The following CYP4F2 variants were observed in gnomAD, a reference collection of about 807,000 sequenced individuals.
The protein encoded by CYP4F2 is cytochrome P450 family 4 subfamily F member 2.
Under a neutral mutation model 58.9 loss-of-function variants are expected in CYP4F2, and 58 were observed. That is an observed-to-expected ratio of 0.98 (90% confidence interval 0.80 to 1.23). CYP4F2 has a LOEUF of 1.23. Among genes scored for constraint, CYP4F2 ranks in the 50% most tolerant of loss-of-function variants. The pLI is 0.00. For missense variants in CYP4F2, 616 were observed against 685.6 expected (o/e 0.90, Z 1.13); for synonymous variants, 287 against 261.1 (o/e 1.10, Z -0.95).
At chr19:15,895,416 C>G (rs940829331) in intron 3 of CYP4F2, 90 bp downstream of exon 3, 29 of 1,412,326 alleles carry the variant, frequency 2.1e-5, no homozygotes, top group Non-Finnish European at 2.5e-5. Flanking sequence ...AAAGGAGAGG[C>G]CAGAGTACTG....
chr19:15,878,950 G>T lies in CYP4F2; in HGVS notation c.1398-14C>A. ...CCGATGCAGTTCCTAGGGGAGGGAG[G>T]TGGGAACTCTGACTGCACCCAGGAG... On this transcript the variant is annotated splice_polypyrimidine_tract_variant and intron_variant, in intron 12 of 12. Transcript: ENST00000221700. 2 of 1,611,532 alleles carry T rather than the reference G, an allele frequency of 1.2e-6. No individual in the cohort carries two copies. The highest frequency in any genetic ancestry group is 1.1e-5 in the South Asian group (1 of 90,716).
At chr19:15,895,477 A>G in intron 3 of CYP4F2, 29 bp downstream of exon 3, 1 of 1,474,274 alleles carries the variant, frequency 6.8e-7, no homozygotes, top group Non-Finnish European at 8.9e-7. Flanking sequence ...CCTCAAATGC[A>G]CTGCCCCACC....
chr19:15,878,753 A>G lies in CYP4F2; in HGVS notation c.*18T>C, dbSNP rs531630854. On this transcript the variant is annotated 3_prime_UTR_variant, in exon 13 of 13. Coordinates refer to ENST00000221700, the MANE Select transcript of CYP4F2 (RefSeq NM_001082.5). The stretch of plus-strand genomic sequence containing the variant: ...TCAGGGGTCATTTTAGTGGGGTCAG[A>G]GTGGGTCTCTGCAGAACTCAGCTCA... 5 of 1,612,150 alleles carry G rather than the reference A, an allele frequency of 3.1e-6. No homozygotes were observed. The East Asian group carries it at 1.1e-4, about 36-fold the overall frequency.
At chr19:15,880,479 T>G (rs1014272431) in intron 9 of CYP4F2, among the ~76,000 whole-genome samples, 2 of 151,844 alleles carry the variant, frequency 1.3e-5, no homozygotes, top group Non-Finnish European at 2.9e-5. Flanking sequence ...ATACAAAAAC[T>G]TAGCGGGGTA....
At chr19:15,887,333 T>G (rs111165324) in intron 7 of CYP4F2, among the ~76,000 whole-genome samples, 1,862 of 148,164 alleles carry the variant, frequency 0.013, 32 homozygotes, top group African/African-American at 0.043. Context: ...CAAATACACG[T>G]AAACATAGAC....
In CYP4F2 at chr19:15,897,513, A is replaced by T. The variant is rs139237854; in HGVS notation, c.99T>A (p.His33Gln). 1.9e-6 allele frequency: 3 copies of T among 1,613,846 alleles called. No homozygotes were observed. The highest frequency in any genetic ancestry group is 1.7e-5 in the Admixed American group (1 of 59,992). ...AGAAGGCGTAGGTCCAGGCCAGGAC[A>T]TGGGCCAGGAGCCAGGAGGCCCCGA... Reference protein sequence around the residue: ...LLVGASWLLAHVLAWTYAFYD... With the variant: ...LLVGASWLLAQVLAWTYAFYD... The change falls in exon 2 of 13, where the codon CAT becomes CAA. Residue 33 changes from histidine to glutamine, a missense_variant. Coordinates refer to ENST00000221700, the MANE Select transcript of CYP4F2 (RefSeq NM_001082.5).
Position 15,878,101 on chromosome 19 carries a change from A to C in CYP4F2, c.*670T>G, listed in dbSNP as rs2089316952. Reference sequence around the variant, plus strand: ...TATATGAACAACCTGGACAGAAAAAAAATGTATGTGAGATAAAATAGCAAA... The same window carrying C: ...TATATGAACAACCTGGACAGAAAAACAATGTATGTGAGATAAAATAGCAAA... On this transcript the variant is annotated 3_prime_UTR_variant, in exon 13 of 13. Transcript: ENST00000221700. 6.6e-6 allele frequency: 1 copy of C among 152,236 alleles called. No individual in the cohort carries two copies. Among genetic ancestry groups the C allele is most frequent in the Non-Finnish European group, 1.5e-5 (1 of 68,050 alleles). 9.4% of individuals were successfully genotyped at this position (152,236 alleles called of 1,614,324 possible).
rs1167576776 is a variant in CYP4F2, at chr19:15,889,427, C to T, written c.914G>A (p.Ser305Asn). The change falls in exon 7 of 13, where the codon AGC (serine) becomes AAC (asparagine). Residue 305 changes from serine to asparagine, a missense_variant. Physicochemically the swap from Ser to Asn is conservative, Grantham distance 46. Transcript: ENST00000221700. ...TLDFIDVLLL[S>N]KDEDGKKLSD... is the part of the protein sequence containing the mutation. ...TCAGATCCCAGAGAGGCCCACCTTGCTCAGCAGGAGTACATCAATGAAGTC... is the reference window on the plus strand; with the variant it reads ...TCAGATCCCAGAGAGGCCCACCTTGTTCAGCAGGAGTACATCAATGAAGTC... 6.2e-7 allele frequency: 1 copy of T among 1,613,920 alleles called. No homozygotes were observed. The highest frequency in any genetic ancestry group is 8.5e-7 in the Non-Finnish European group (1 of 1,179,840).
Position 15,878,710 on chromosome 19 carries a change from G to C in CYP4F2, c.*61C>G, listed in dbSNP as rs1027144284. The C allele has an allele frequency of 5.0e-6, 8 of 1,598,788 alleles. No homozygotes were observed. The African/African-American group carries it at 1.1e-4, about 21-fold the overall frequency. On this transcript the variant is annotated 3_prime_UTR_variant, in exon 13 of 13. Transcript: ENST00000221700. ...GGAACAGGGTCTTAGGGTAATTCTAGGCTTCACTTTTGATGAATCAGGGGT... is the reference window on the plus strand; with the variant it reads ...GGAACAGGGTCTTAGGGTAATTCTACGCTTCACTTTTGATGAATCAGGGGT...
chr19:15,892,824 T>G (rs894166999), intron 3 of CYP4F2, among the ~76,000 whole-genome samples: 2 of 152,004 alleles, frequency 1.3e-5, no homozygotes, highest in Admixed American at 1.3e-4. Context: ...ATGTCAGGGT[T>G]CCAGCATGCC....
intron 7 of CYP4F2, among the ~76,000 whole-genome samples, chr19:15,888,146 A>G (rs553010630): frequency 1.0e-3 from 152 of 152,356 alleles, no homozygotes; most frequent in Admixed American, 4.4e-3. Context: ...GAAGTCACAG[A>G]TTTAGAAACA....
At chr19:15,896,465 AT>A (rs1350017810) in intron 2 of CYP4F2, among the ~76,000 whole-genome samples, 2 of 152,130 alleles carry the variant, frequency 1.3e-5, no homozygotes, top group African/African-American at 4.8e-5. Context: ...AGAGGCAGCT[AT>A]ATGGGGAGGT....
At position 15,889,656 on chromosome 19, in the gene CYP4F2, T is replaced by C; in HGVS notation, c.685A>G (p.Ser229Gly). 6.2e-7 allele frequency: 1 copy of C among 1,614,138 alleles called. No individual in the cohort carries two copies. The highest frequency in any genetic ancestry group is 8.5e-7 in the Non-Finnish European group (1 of 1,180,020). Residue 229 changes from serine to glycine, a missense_variant, in exon 7 of 13, where the codon AGT becomes GGT. Coordinates refer to ENST00000221700, the MANE Select transcript of CYP4F2 (RefSeq NM_001082.5). ...SEYIAAILEL[S>G]ALVSKRHHEI... The stretch of plus-strand genomic sequence containing the variant: ...TGGTGTCTTTTTGATACAAGGGCAC[T>C]GAGCTCCAAGATGGCGGCAATATAT...
chr19:15,879,051 G>T, intron 12 of CYP4F2, 115 bp from the exon 13 acceptor site: 1 of 1,477,294 alleles, frequency 6.8e-7, no homozygotes, highest in East Asian at 2.3e-5. Context: ...GAGGAATAGA[G>T]AAGGGGGTAT....
chr19:15,891,069 G>A (rs2145010555), intron 5 of CYP4F2, among the ~76,000 whole-genome samples: 1 of 152,240 alleles, frequency 6.6e-6, no homozygotes, highest in African/African-American at 2.4e-5. Context: ...GTTGAGTCCT[G>A]AGCATTCTTT....
At chr19:15,896,081 C>T (rs1328738849) in intron 2 of CYP4F2, among the ~76,000 whole-genome samples, 1 of 151,332 alleles carries the variant, frequency 6.6e-6, no homozygotes, top group Non-Finnish European at 1.5e-5. Context: ...TCCATCCATC[C>T]ATCCATCCAT....
At chr19:15,881,117 T>C (rs902236560) in intron 9 of CYP4F2, among the ~76,000 whole-genome samples, 1 of 152,168 alleles carries the variant, frequency 6.6e-6, no homozygotes, top group Non-Finnish European at 1.5e-5. Flanking sequence ...TGGAATACTA[T>C]ACAGCTACAC....
Position 15,878,184 on chromosome 19 carries a change from A to G in CYP4F2, c.*587T>C, listed in dbSNP as rs891664545. ...GAAATTCACCATTTCAAAGTGTCCA[A>G]TTCAATAGCATTTAGTGCACTCACA... On this transcript the variant is annotated 3_prime_UTR_variant, in exon 13 of 13. Transcript: ENST00000221700. 1 of 152,266 alleles carries G rather than the reference A, an allele frequency of 6.6e-6. No homozygotes were observed. The highest frequency in any genetic ancestry group is 1.5e-5 in the Non-Finnish European group (1 of 68,090). The allele number at this position is 152,266 out of a possible 1,614,324, so 9.4% of individuals were successfully genotyped here.
At chr19:15,885,081 C>A (rs537829737) in intron 9 of CYP4F2, among the ~76,000 whole-genome samples, 2 of 151,552 alleles carry the variant, frequency 1.3e-5, no homozygotes, top group African/African-American at 4.9e-5. Flanking sequence ...CTGTCCTGAC[C>A]CTGCTCTCTC....
Sources: gnomAD v4.1 joint callset for allele counts (sites outside exome capture counted in the v4.1 genomes callset) on GRCh38, gnomAD v4.1.1 for gene constraint, MANE v1.5 for transcripts, NCBI Gene and HGNC (gene_info 2026-07-23, HGNC 2026-07-21) for gene names.